Variants in EYA2 observed in about 807,000 individuals in gnomAD.
EYA2 encodes the protein EYA transcriptional coactivator and phosphatase 2.
Under a neutral mutation model 69.2 loss-of-function variants are expected in EYA2, and 31 were observed. That is an observed-to-expected ratio of 0.45 (90% CI 0.34 to 0.60). The LOEUF (loss-of-function observed/expected upper bound fraction) is 0.60. Ranked by LOEUF, EYA2 falls within the 20% of genes least tolerant of loss-of-function variation. EYA2 has a pLI of 0.02. For synonymous variants in EYA2, 257 were observed against 279.4 expected (o/e 0.92, Z 0.80); for missense variants, 622 against 701.2 (o/e 0.89, Z 1.28).
chr20:47,016,434 G>A (rs1341734223), intron 5 of EYA2, 137 bp downstream of exon 5: 1 of 666,124 alleles, frequency 1.5e-6, no homozygotes, highest in Non-Finnish European at 2.7e-6. Context: ...GGAGAAAATA[G>A]ATACGAGATC....
Position 47,179,911 on chromosome 20 carries a change from C to A in EYA2, c.1312C>A (p.Arg438=), listed in dbSNP as rs771194638. The change falls in exon 13 of 16, where the codon CGG becomes AGG. Residue 438 remains arginine (R), a splice_region_variant and synonymous_variant. Coordinates refer to ENST00000327619, the MANE Select transcript of EYA2 (RefSeq NM_005244.5). ...SLKALNLINS[R]PNCVNVLVTT... ...GAAGGCACTAAACCTCATCAACTCC[C>A]GGCAAGTGGCAGCCCTCATTTTCCT... is the stretch of plus-strand genomic sequence containing the variant. 1 of 1,611,848 alleles carries A rather than the reference C, an allele frequency of 6.2e-7. No homozygotes were observed. Among genetic ancestry groups the A allele is most frequent in the African/African-American group, 1.3e-5 (1 of 74,902 alleles).
intron 1 of EYA2, among the ~76,000 whole-genome samples, chr20:46,900,316 A>G (rs1984033119): frequency 6.6e-6 from 1 of 152,222 alleles, no homozygotes; most frequent in Admixed American, 6.5e-5. Flanking sequence ...CGCGTCAGCT[A>G]AATCTGTCAG....
intron 7 of EYA2, among the ~76,000 whole-genome samples, chr20:47,075,096 A>G (rs1449000136): frequency 1.3e-5 from 2 of 152,250 alleles, no homozygotes; most frequent in Non-Finnish European, 2.9e-5. Context: ...GGGCAACAAG[A>G]GTGAAACTCC....
intron 5 of EYA2, among the ~76,000 whole-genome samples, chr20:47,028,407 A>T (rs1227603458): frequency 6.6e-6 from 1 of 152,232 alleles, no homozygotes; most frequent in African/African-American, 2.4e-5. Context: ...TCTTTTGAAG[A>T]TGCTTCACCT....
At chr20:47,143,925 A>C (rs2033650481) in intron 10 of EYA2, among the ~76,000 whole-genome samples, 1 of 152,236 alleles carries the variant, frequency 6.6e-6, no homozygotes. Flanking sequence ...AGGGAAATAC[A>C]ATGAGTTACT....
At chr20:47,049,936 G>C (rs2030243655) in intron 5 of EYA2, among the ~76,000 whole-genome samples, 1 of 145,156 alleles carries the variant, frequency 6.9e-6, no homozygotes, top group Non-Finnish European at 1.5e-5. Flanking sequence ...TGGACATTTT[G>C]GCAGTTGTCC....
At chr20:46,988,123 G>A (rs960772881) in intron 1 of EYA2, among the ~76,000 whole-genome samples, 1 of 149,330 alleles carries the variant, frequency 6.7e-6, no homozygotes, top group African/African-American at 2.5e-5. Flanking sequence ...TAAAGTATAT[G>A]GGAGGATGTA....
intron 1 of EYA2, among the ~76,000 whole-genome samples, chr20:46,953,980 T>A (rs1375293738): frequency 6.6e-6 from 1 of 152,178 alleles, no homozygotes; most frequent in African/African-American, 2.4e-5. Flanking sequence ...CTTGGACATG[T>A]TCTTCTCTCC....
At chr20:47,138,462 C>T (rs917345424) in intron 9 of EYA2, among the ~76,000 whole-genome samples, 5 of 151,972 alleles carry the variant, frequency 3.3e-5, no homozygotes, top group African/African-American at 1.2e-4. Flanking sequence ...TTAAAAAATT[C>T]TAGAAGGCTG....
At chr20:46,896,006 C>T (rs138769145) in intron 1 of EYA2, among the ~76,000 whole-genome samples, 130 of 152,258 alleles carry the variant, frequency 8.5e-4, no homozygotes, top group Non-Finnish European at 1.5e-3. Context: ...TCTTTTCTTT[C>T]CCCTTCCCCG....
At chr20:47,113,855 G>GT (rs2032818333) in intron 9 of EYA2, among the ~76,000 whole-genome samples, 1 of 77,704 alleles carries the variant, frequency 1.3e-5, no homozygotes, top group Admixed American at 1.2e-4. Flanking sequence ...TTCCTAGATG[G>GT]GTTTTTTTTT....
At chr20:47,161,705 C>A in intron 10 of EYA2, 1 of 195,202 alleles carries the variant, frequency 5.1e-6, no homozygotes, top group South Asian at 8.4e-5. Context: ...CCCCCCATCC[C>A]CCAAAACCGG....
At chr20:46,903,251 T>G (rs928106582) in intron 1 of EYA2, among the ~76,000 whole-genome samples, 1 of 152,124 alleles carries the variant, frequency 6.6e-6, no homozygotes, top group Non-Finnish European at 1.5e-5. Context: ...TGACATGACT[T>G]TTTGAGCTTT....
intron 4 of EYA2, among the ~76,000 whole-genome samples, chr20:47,007,953 C>T (rs575735933): frequency 6.6e-6 from 1 of 152,208 alleles, no homozygotes; most frequent in East Asian, 1.9e-4. Context: ...ACACTGGCTG[C>T]TGTGGTGAGG....
intron 5 of EYA2, among the ~76,000 whole-genome samples, chr20:47,027,188 A>G (rs986991404): frequency 7.9e-5 from 12 of 152,228 alleles, no homozygotes. Flanking sequence ...AGTGGAGCCC[A>G]GTGGCCTCCT....
At chr20:47,142,008 T>A (rs2033607238) in intron 9 of EYA2, among the ~76,000 whole-genome samples, 1 of 152,164 alleles carries the variant, frequency 6.6e-6, no homozygotes, top group Non-Finnish European at 1.5e-5. Flanking sequence ...TCTCTTCATG[T>A]CCTCCCAATA....
At chr20:46,945,040 G>A (rs998525370) in intron 1 of EYA2, among the ~76,000 whole-genome samples, 13 of 151,942 alleles carry the variant, frequency 8.6e-5, no homozygotes, top group African/African-American at 2.2e-4. Flanking sequence ...GGAGGTAGAG[G>A]TTGCAGTGAG....
intron 5 of EYA2, among the ~76,000 whole-genome samples, chr20:47,065,930 A>G (rs2031092037): frequency 6.6e-6 from 1 of 152,342 alleles, no homozygotes; most frequent in South Asian, 2.1e-4. Context: ...TGTCAACACC[A>G]TATCTAAAAC....
At chr20:47,086,800 G>GT (rs1234701692) in intron 7 of EYA2, among the ~76,000 whole-genome samples, 9 of 149,916 alleles carry the variant, frequency 6.0e-5, no homozygotes, top group Non-Finnish European at 8.9e-5. Context: ...TTTTCTGTTT[G>GT]TTTTTTTGTT....
Sources: gnomAD v4.1 joint callset for allele counts (sites outside exome capture counted in the v4.1 genomes callset) on GRCh38, gnomAD v4.1.1 for gene constraint, MANE v1.5 for transcripts, NCBI Gene and HGNC (gene_info 2026-07-23, HGNC 2026-07-21) for gene names.